MACROD2: variants seen among roughly 807,000 people sequenced by gnomAD.
The protein encoded by MACROD2 is mono-ADP ribosylhydrolase 2.
Under a neutral mutation model 70.4 loss-of-function variants are expected in MACROD2, and 36 were observed. That is an observed-to-expected ratio of 0.51 (90% CI 0.39 to 0.68). The LOEUF (loss-of-function observed/expected upper bound fraction) is 0.68, where lower values mean the gene tolerates loss of function less well. Ranked by LOEUF, MACROD2 falls within the 30% of genes least tolerant of loss-of-function variation. MACROD2 has a pLI of 0.00. For synonymous variants in MACROD2, 172 were observed against 178.8 expected (o/e 0.96, Z 0.30); for missense variants, 496 against 538.4 (o/e 0.92, Z 0.78).
At chr20:14,457,587 A>G (rs536312067) in intron 3 of MACROD2, among the ~76,000 whole-genome samples, 35 of 152,146 alleles carry the variant, frequency 2.3e-4, no homozygotes, top group Admixed American at 3.9e-4. Context: ...GTACACATAC[A>G]GAGAACAATA....
At chr20:14,390,703 A>G (rs1051060199) in intron 3 of MACROD2, among the ~76,000 whole-genome samples, 5 of 152,328 alleles carry the variant, frequency 3.3e-5, no homozygotes, top group Admixed American at 2.6e-4. Flanking sequence ...AGAGATTAAA[A>G]CTGGACCCCT....
chr20:14,214,628 TA>T (rs2081599892), intron 3 of MACROD2, among the ~76,000 whole-genome samples: 1 of 148,490 alleles, frequency 6.7e-6, no homozygotes. Context: ...CCATAAGTTA[TA>T]GGGGTACAGG....
intron 4 of MACROD2, among the ~76,000 whole-genome samples, chr20:14,592,574 C>T (rs1981847753): frequency 6.6e-6 from 1 of 152,104 alleles, no homozygotes; most frequent in African/African-American, 2.4e-5. Flanking sequence ...CAGGCGCAGG[C>T]CACCATGACT....
chr20:15,993,233 AGTGTGT>A (rs11468964), intron 15 of MACROD2, among the ~76,000 whole-genome samples: 23,458 of 143,908 alleles, frequency 0.16, 1,881 homozygotes, highest in East Asian at 0.24. Context: ...GAATTTGAAG[AGTGTGT>A]GTGTGTGTGT....
At chr20:14,215,071 TATTCCATCATATATATC>T (rs1464802182) in intron 3 of MACROD2, among the ~76,000 whole-genome samples, 5 of 1,222 alleles carry the variant, frequency 4.1e-3, no homozygotes, top group Admixed American at 0.031. Flanking sequence ...ATCATATATC[TATTCCATCATATATATC>T]TATTCCATCA....
intron 5 of MACROD2, among the ~76,000 whole-genome samples, chr20:14,852,627 C>A (rs940327479): frequency 1.3e-5 from 2 of 152,114 alleles, no homozygotes; most frequent in Admixed American, 6.6e-5. Context: ...CTGAGGATGC[C>A]AGCATGAGGC....
chr20:15,617,353 C>G (rs950367148), intron 8 of MACROD2, among the ~76,000 whole-genome samples: 4 of 152,082 alleles, frequency 2.6e-5, no homozygotes, highest in Non-Finnish European at 4.4e-5. Flanking sequence ...TAACGTTTTT[C>G]CAGGATAGCC....
intron 6 of MACROD2, among the ~76,000 whole-genome samples, chr20:15,314,540 T>C (rs2077788380): frequency 6.6e-6 from 1 of 152,222 alleles, no homozygotes; most frequent in African/African-American, 2.4e-5. Context: ...ATGTTCCCAG[T>C]GTGAGACCGT....
At chr20:14,653,666 C>T (rs1985810586) in intron 4 of MACROD2, among the ~76,000 whole-genome samples, 1 of 152,054 alleles carries the variant, frequency 6.6e-6, no homozygotes, top group Non-Finnish European at 1.5e-5. Flanking sequence ...TACTATAAAC[C>T]TTAAATGATA....
intron 8 of MACROD2, among the ~76,000 whole-genome samples, chr20:15,707,381 C>A (rs1305055914): frequency 1.3e-5 from 2 of 152,118 alleles, no homozygotes; most frequent in South Asian, 4.1e-4. Flanking sequence ...AATTATCATG[C>A]CTCTATAGTA....
chr20:15,708,143 A>G (rs969177982), intron 8 of MACROD2, among the ~76,000 whole-genome samples: 3 of 152,124 alleles, frequency 2.0e-5, no homozygotes, highest in African/African-American at 7.2e-5. Flanking sequence ...TTTATTAATT[A>G]ATATATTATT....
intron 5 of MACROD2, among the ~76,000 whole-genome samples, chr20:15,065,430 C>T (rs184508179): frequency 8.6e-5 from 13 of 152,016 alleles, no homozygotes; most frequent in Admixed American, 6.6e-4. Context: ...CCGAGGCGGG[C>T]GGATCACAAG....
At chr20:15,703,900 T>C (rs917034322) in intron 8 of MACROD2, among the ~76,000 whole-genome samples, 2 of 152,226 alleles carry the variant, frequency 1.3e-5, no homozygotes, top group African/African-American at 4.8e-5. Context: ...TTTTGTAAAT[T>C]TTTAAAATTT....
chr20:15,570,812 T>C (rs1285309917), intron 8 of MACROD2, among the ~76,000 whole-genome samples: 4 of 152,252 alleles, frequency 2.6e-5, no homozygotes, highest in Non-Finnish European at 5.9e-5. Context: ...GCAATGGCTA[T>C]GGCTTGTGAT....
intron 5 of MACROD2, among the ~76,000 whole-genome samples, chr20:14,891,226 G>A (rs2043179455): frequency 6.6e-6 from 1 of 151,970 alleles, no homozygotes; most frequent in South Asian, 2.1e-4. Flanking sequence ...TCCAAAACTG[G>A]CATGAATTTT....
At chr20:15,015,915 T>A (rs1331663214) in intron 5 of MACROD2, among the ~76,000 whole-genome samples, 1 of 152,220 alleles carries the variant, frequency 6.6e-6, no homozygotes, top group Non-Finnish European at 1.5e-5. Flanking sequence ...GCCAAGATGA[T>A]AAACCAGACA....
At chr20:15,436,868 C>G (rs901592753) in intron 7 of MACROD2, among the ~76,000 whole-genome samples, 1 of 152,150 alleles carries the variant, frequency 6.6e-6, no homozygotes, top group Admixed American at 6.6e-5. Flanking sequence ...AGAATCATTT[C>G]CTGGTGGCAC....
intron 5 of MACROD2, among the ~76,000 whole-genome samples, chr20:15,136,505 C>A (rs1407542319): frequency 1.3e-5 from 2 of 152,106 alleles, no homozygotes; most frequent in Non-Finnish European, 2.9e-5. Flanking sequence ...AACTGGCTAG[C>A]CATATGTAGA....
chr20:14,354,997 G>T (rs750147843), intron 3 of MACROD2, among the ~76,000 whole-genome samples: 8 of 152,120 alleles, frequency 5.3e-5, no homozygotes, highest in Non-Finnish European at 7.4e-5. Context: ...AATATTCCAT[G>T]GTGTATATGT....
Sources: gnomAD v4.1 joint callset for allele counts (sites outside exome capture counted in the v4.1 genomes callset) on GRCh38, gnomAD v4.1.1 for gene constraint, MANE v1.5 for transcripts, NCBI Gene and HGNC (gene_info 2026-07-23, HGNC 2026-07-21) for gene names.